The following MICU1 variants were observed in gnomAD, a reference collection of about 807,000 sequenced individuals.
MICU1 encodes calcium uptake protein 1, mitochondrial.
In MICU1, 45 loss-of-function variants were observed where a neutral mutation model predicts 56.8. The ratio of observed to expected loss-of-function variants is 0.79; its 90% CI spans 0.62 to 1.02. The LOEUF is 1.02. MICU1 is among the 50% of genes least tolerant of loss of function. The probability of loss-of-function intolerance (pLI) is 0.00; values close to 1 mark genes in which losing one functional copy is unlikely to be tolerated. For synonymous variants in MICU1, 186 were observed against 195.1 expected, an observed-to-expected ratio of 0.95 and a Z score of 0.39; for missense variants, 504 against 587.1, an observed-to-expected ratio of 0.86 and a Z score of 1.46.
At chr10:72,565,613 C>T (rs1840411095) in intron 2 of MICU1, among the ~76,000 whole-genome samples, 1 of 148,820 alleles carries the variant, frequency 6.7e-6, no homozygotes. Flanking sequence ...ACGTTGTGCA[C>T]ATGTACCCTA....
At chr10:72,427,565 C>T (rs1864384024) in intron 8 of MICU1, among the ~76,000 whole-genome samples, 2 of 151,954 alleles carry the variant, frequency 1.3e-5, no homozygotes, top group African/African-American at 4.8e-5. Flanking sequence ...CTCTGTCCAT[C>T]CCCCAGAGTA....
At chr10:72,558,182 A>G (rs1840206501) in intron 3 of MICU1, among the ~76,000 whole-genome samples, 1 of 152,266 alleles carries the variant, frequency 6.6e-6, no homozygotes, top group Non-Finnish European at 1.5e-5. Flanking sequence ...TCTGAAAAGT[A>G]CAGAAACGAC....
intron 5 of MICU1, among the ~76,000 whole-genome samples, chr10:72,525,679 CAT>C (rs756636743): frequency 1.6e-4 from 24 of 152,168 alleles, no homozygotes; most frequent in Non-Finnish European, 2.9e-5. Context: ...GAAAGAAAAT[CAT>C]ATATATGATA....
intron 2 of MICU1, among the ~76,000 whole-genome samples, chr10:72,564,860 A>T (rs1840387911): frequency 6.6e-6 from 1 of 152,188 alleles, no homozygotes. Flanking sequence ...GCCACAGGCC[A>T]GTCAATTTCC....
At chr10:72,486,403 C>G (rs1392115493) in intron 6 of MICU1, among the ~76,000 whole-genome samples, 1 of 152,132 alleles carries the variant, frequency 6.6e-6, no homozygotes, top group Non-Finnish European at 1.5e-5. Context: ...CAGTTTTTGA[C>G]GTATTTTGTA....
chr10:72,578,167 C>T (rs1840798793), intron 1 of MICU1, among the ~76,000 whole-genome samples: 1 of 152,134 alleles, frequency 6.6e-6, no homozygotes, highest in Non-Finnish European at 1.5e-5. Context: ...ACCACTACAC[C>T]TGATTAGCCA....
intron 4 of MICU1, among the ~76,000 whole-genome samples, chr10:72,542,935 G>C (rs921866249): frequency 2.0e-5 from 3 of 152,228 alleles, no homozygotes; most frequent in African/African-American, 4.8e-5. Context: ...TTCCTCTCAA[G>C]TCCAGCTGTC....
At chr10:72,622,407 A>C (rs1842127419) in intron 1 of MICU1, among the ~76,000 whole-genome samples, 1 of 152,098 alleles carries the variant, frequency 6.6e-6, no homozygotes, top group Non-Finnish European at 1.5e-5. Context: ...TTCCCACTCC[A>C]GGATAGGGAC....
Position 72,566,746 on chromosome 10 carries a change from AC to A in MICU1, c.47del (p.Gly16ValfsTer18). ...GTGATCCTCCATGGTACCATCGAGA[AC>A]CCACAGCCAGTTCTGCCAAAGCAGA... ...SLSALAELAV[G>X]SRWYHGGSQP... On this transcript the variant is annotated frameshift_variant, in exon 2 of 12. Coordinates refer to ENST00000361114, the MANE Select transcript of MICU1 (RefSeq NM_001195518.2). LOFTEE classifies it high-confidence loss of function. The A allele has an allele frequency of 1.2e-6, 2 of 1,612,776 alleles. No homozygotes were observed. Among genetic ancestry groups the A allele is most frequent in the Non-Finnish European group, 8.5e-7 (1 of 1,179,392 alleles).
intron 11 of MICU1, among the ~76,000 whole-genome samples, chr10:72,369,698 TTTTG>T (rs1362396235): frequency 6.6e-6 from 1 of 151,856 alleles, no homozygotes; most frequent in African/African-American, 2.4e-5. Flanking sequence ...CTGTTTTTTT[TTTTG>T]TTGTTGTTGT....
rs568157794 is a variant in MICU1, at chr10:72,531,848, A to G, written c.537+1898T>C. On this transcript the variant is annotated intron_variant, in intron 5 of 11. Coordinates refer to ENST00000361114, the MANE Select transcript of MICU1 (RefSeq NM_001195518.2). ...ACATGGAAAACTTTTAAACTGATCA[A>G]ACAATAAATGAATTTATTCATTACA... 5.3e-5 allele frequency among the ~76,000 whole-genome samples: 8 copies of G among 152,264 alleles called. No homozygotes were observed. In the South Asian group the frequency reaches 1.4e-3, roughly 28 times the overall value.
chr10:72,572,878 C>A lies in MICU1; in HGVS notation c.-1-6084G>T, dbSNP rs141788837. ...GCAAATCTGTACAATTTATGGTGGG[C>A]AATTTGGTAATTTGCATTAAAATTA... On this transcript the variant is annotated intron_variant, in intron 1 of 11. Transcript: ENST00000361114. Among the ~76,000 whole-genome samples the A allele has an allele frequency of 3.1e-3, 473 of 152,170 alleles. 3 individuals are homozygous for A. The highest frequency in any genetic ancestry group is 0.011 in the African/African-American group (448 of 41,542).
At chr10:72,434,079 A>T (rs1427349239) in intron 8 of MICU1, among the ~76,000 whole-genome samples, 1 of 152,084 alleles carries the variant, frequency 6.6e-6, no homozygotes, top group Non-Finnish European at 1.5e-5. Context: ...AACCAGCTTA[A>T]ATGTATGTCA....
In MICU1 at chr10:72,542,524, GA is replaced by G. The variant is rs541609970; in HGVS notation, c.493+8654del. ...CAGGAACCAGAGCAAGCAAGTGCAG[GA>G]ACCAGCCAACTGCTTTTGGGTGCCA... On this transcript the variant is annotated intron_variant, in intron 4 of 11. Coordinates refer to ENST00000361114, the MANE Select transcript of MICU1 (RefSeq NM_001195518.2). Among the ~76,000 whole-genome samples the G allele has an allele frequency of 1.3e-3, 197 of 152,324 alleles. 1 individual carries two copies. Among genetic ancestry groups the G allele is most frequent in the African/African-American group, 4.6e-3 (190 of 41,570 alleles).
intron 8 of MICU1, among the ~76,000 whole-genome samples, chr10:72,463,405 T>C (rs755534537): frequency 4.6e-5 from 7 of 152,210 alleles, no homozygotes; most frequent in Non-Finnish European, 7.3e-5. Context: ...TCAGAAGTGA[T>C]AATGCCTTTA....
chr10:72,404,944 C>G (rs1041379475), intron 10 of MICU1, among the ~76,000 whole-genome samples: 1 of 152,142 alleles, frequency 6.6e-6, no homozygotes, highest in African/African-American at 2.4e-5. Flanking sequence ...TCTTGCTCTG[C>G]TACCCAGTCT....
At chr10:72,586,162 C>T (rs1317019834) in intron 1 of MICU1, among the ~76,000 whole-genome samples, 1 of 151,078 alleles carries the variant, frequency 6.6e-6, no homozygotes, top group South Asian at 2.1e-4. Flanking sequence ...TACAGGTGCA[C>T]ACCACCACAC....
chr10:72,621,353 G>A (rs1165973854), intron 1 of MICU1, among the ~76,000 whole-genome samples: 5 of 151,910 alleles, frequency 3.3e-5, no homozygotes, highest in African/African-American at 9.7e-5. Context: ...ATAGCCAGCC[G>A]TGGTGGTAGG....
At chr10:72,545,493 C>T (rs1221045780) in intron 4 of MICU1, among the ~76,000 whole-genome samples, 2 of 152,168 alleles carry the variant, frequency 1.3e-5, no homozygotes, top group Admixed American at 1.3e-4. Context: ...AGGGAAAGGG[C>T]TTACAGGCAG....
Sources: gnomAD v4.1 joint callset for allele counts (sites outside exome capture counted in the v4.1 genomes callset) on GRCh38, gnomAD v4.1.1 for gene constraint, MANE v1.5 for transcripts, NCBI Gene and HGNC (gene_info 2026-07-23, HGNC 2026-07-21) for gene names.